The following QTMAN variants were observed in gnomAD, a reference collection of about 807,000 sequenced individuals.
The protein encoded by QTMAN is queuosine-tRNA mannosyltransferase.
the QTMAN span, among the ~76,000 whole-genome samples, chr2:144,123,626 C>T: frequency 5.9e-5 from 9 of 152,074 alleles, no homozygotes; most frequent in African/African-American, 2.2e-4. Flanking sequence ...GACAACTAAT[C>T]TTTTTTGGTT....
the QTMAN span, among the ~76,000 whole-genome samples, chr2:144,063,295 T>C: frequency 6.6e-6 from 1 of 152,178 alleles, no homozygotes; most frequent in Non-Finnish European, 1.5e-5. Context: ...AAAAATTCGA[T>C]TGATCTGAGT....
At chr2:144,262,672 G>A in the QTMAN span, among the ~76,000 whole-genome samples, 1 of 83,744 alleles carries the variant, frequency 1.2e-5, no homozygotes, top group Non-Finnish European at 2.3e-5. Context: ...AGGGGAGATG[G>A]GAGGAGAGGT....
At chr2:144,150,953 C>T in the QTMAN span, among the ~76,000 whole-genome samples, 1 of 151,978 alleles carries the variant, frequency 6.6e-6, no homozygotes, top group African/African-American at 2.4e-5. Flanking sequence ...GTAGCTGAGG[C>T]AAGAAGAAGA....
the QTMAN span, among the ~76,000 whole-genome samples, chr2:144,279,169 A>G: frequency 6.6e-6 from 1 of 152,162 alleles, no homozygotes; most frequent in Admixed American, 6.6e-5. Flanking sequence ...TATGCAAATA[A>G]ATATTCAATA....
chr2:144,313,344 A>G, the QTMAN span, among the ~76,000 whole-genome samples: 1 of 152,180 alleles, frequency 6.6e-6, no homozygotes, highest in Non-Finnish European at 1.5e-5. Context: ...TCAGCTTTGG[A>G]GCTTTAGCAA....
chr2:144,160,712 A>C, the QTMAN span, among the ~76,000 whole-genome samples: 1 of 152,160 alleles, frequency 6.6e-6, no homozygotes, highest in African/African-American at 2.4e-5. Flanking sequence ...GTATTCAATG[A>C]ATAGCTGTCA....
At chr2:144,111,113 C>A in the QTMAN span, among the ~76,000 whole-genome samples, 1 of 152,172 alleles carries the variant, frequency 6.6e-6, no homozygotes, top group African/African-American at 2.4e-5. Context: ...CATAAATTTG[C>A]ACCCTCTATG....
the QTMAN span, among the ~76,000 whole-genome samples, chr2:144,280,831 C>T: frequency 2.6e-5 from 4 of 151,596 alleles, no homozygotes; most frequent in Non-Finnish European, 5.9e-5. Flanking sequence ...TAAAAAGATG[C>T]TCAATGTTAA....
At chr2:144,060,927 T>C in the QTMAN span, among the ~76,000 whole-genome samples, 1 of 152,202 alleles carries the variant, frequency 6.6e-6, no homozygotes, top group Non-Finnish European at 1.5e-5. Flanking sequence ...ATTTTAATAA[T>C]GGTCTGAACT....
chr2:144,273,489 C>T, the QTMAN span, among the ~76,000 whole-genome samples: 21 of 152,092 alleles, frequency 1.4e-4, no homozygotes, highest in East Asian at 1.9e-3. Context: ...TTTCATAGGA[C>T]GGTCTGACCA....
chr2:143,956,183 TGGA>T, the QTMAN span, among the ~76,000 whole-genome samples: 2 of 152,220 alleles, frequency 1.3e-5, no homozygotes, highest in African/African-American at 2.4e-5. Flanking sequence ...GAAAGTTCTT[TGGA>T]TACATTTTAA....
the QTMAN span, among the ~76,000 whole-genome samples, chr2:144,060,129 T>C: frequency 1.8e-4 from 27 of 152,098 alleles, no homozygotes; most frequent in African/African-American, 6.5e-4. Context: ...AAACTTTTGA[T>C]GTATAGAGTT....
chr2:144,180,576 T>G, the QTMAN span, among the ~76,000 whole-genome samples: 2 of 152,186 alleles, frequency 1.3e-5, no homozygotes, highest in Non-Finnish European at 2.9e-5. Flanking sequence ...TTCTCAAAAT[T>G]TTTGTGTCAA....
chr2:144,253,772 A>C, the QTMAN span, among the ~76,000 whole-genome samples: 1 of 152,216 alleles, frequency 6.6e-6, no homozygotes, highest in Non-Finnish European at 1.5e-5. Flanking sequence ...AAAAAAAAAA[A>C]ACATTTTCTA....
the QTMAN span, among the ~76,000 whole-genome samples, chr2:144,157,951 A>T: frequency 2.6e-5 from 4 of 152,086 alleles, no homozygotes; most frequent in Non-Finnish European, 4.4e-5. Flanking sequence ...ATGAGAGTCA[A>T]ATATCTAATA....
the QTMAN span, among the ~76,000 whole-genome samples, chr2:144,004,256 T>C: frequency 6.6e-6 from 1 of 151,786 alleles, no homozygotes; most frequent in African/African-American, 2.4e-5. Flanking sequence ...ACTAAGGGGG[T>C]TGAACAAGAA....
At chr2:144,239,524 T>C in the QTMAN span, among the ~76,000 whole-genome samples, 1 of 152,104 alleles carries the variant, frequency 6.6e-6, no homozygotes, top group African/African-American at 2.4e-5. Context: ...GTTGACCCAT[T>C]CCTTCCTCCC....
the QTMAN span, among the ~76,000 whole-genome samples, chr2:144,190,088 C>A: frequency 4.6e-5 from 7 of 152,062 alleles, no homozygotes; most frequent in South Asian, 2.1e-4. Flanking sequence ...GAAATTTTAT[C>A]TTTTATTGGT....
chr2:143,951,122 G>A, the QTMAN span: 6 of 151,980 alleles, frequency 3.9e-5, no homozygotes, highest in South Asian at 1.2e-3. Context: ...CATGTAGAAG[G>A]TTATATATTA....
Sources: allele counts gnomAD v4.1 joint callset (sites outside exome capture counted in the v4.1 genomes callset), GRCh38; gene constraint gnomAD v4.1.1; transcripts MANE v1.5; gene names NCBI Gene and HGNC (gene_info 2026-07-23, HGNC 2026-07-21).